Variants in C3orf70 observed in about 807,000 individuals in gnomAD.
The protein encoded by C3orf70 is chromosome 3 open reading frame 70.
Under a neutral mutation model 20.7 loss-of-function variants are expected in C3orf70, and 15 were observed. The observed-to-expected ratio is 0.72, with a 90% CI of 0.48 to 1.11. The LOEUF is 1.11. Ranked by LOEUF, C3orf70 falls within the 50% of genes most tolerant of loss-of-function variation. C3orf70 has a pLI of 0.00. For missense variants in C3orf70, 332 were observed against 317.6 expected (o/e 1.05, Z -0.34); for synonymous variants, 161 against 125.7 (o/e 1.28, Z -1.88).
chr3:185,141,034 C>T (rs1391970241), intron 1 of C3orf70, among the ~76,000 whole-genome samples: 3 of 151,632 alleles, frequency 2.0e-5, no homozygotes, highest in South Asian at 2.1e-4. Context: ...TTCCACCAAG[C>T]GAGGATATGA....
intron 1 of C3orf70, among the ~76,000 whole-genome samples, chr3:185,142,382 AG>A (rs1716772951): frequency 6.6e-6 from 1 of 152,134 alleles, no homozygotes; most frequent in Admixed American, 6.5e-5. Context: ...GCTTGACCCT[AG>A]GAAGGTTGCA....
At chr3:185,102,586 G>A (rs982880206) in intron 1 of C3orf70, among the ~76,000 whole-genome samples, 1 of 152,130 alleles carries the variant, frequency 6.6e-6, no homozygotes, top group Admixed American at 6.5e-5. Flanking sequence ...CCAAAAACGA[G>A]CCCGAATAGA....
At chr3:185,136,919 A>T (rs1345795153) in intron 1 of C3orf70, among the ~76,000 whole-genome samples, 1 of 37,060 alleles carries the variant, frequency 2.7e-5, no homozygotes, top group Non-Finnish European at 7.8e-5. Flanking sequence ...AAACAACAAC[A>T]ACAACAACAA....
chr3:185,110,922 G>A (rs542785987), intron 1 of C3orf70, among the ~76,000 whole-genome samples: 16 of 152,182 alleles, frequency 1.1e-4, no homozygotes, highest in African/African-American at 3.1e-4. Context: ...ATCTCTGTTC[G>A]GGCTCTCAGC....
At chr3:185,112,755 TC>T (rs1237396760) in intron 1 of C3orf70, among the ~76,000 whole-genome samples, 1 of 152,170 alleles carries the variant, frequency 6.6e-6, no homozygotes, top group African/African-American at 2.4e-5. Flanking sequence ...CCAATCTAAT[TC>T]TCCTCCCTCC....
At position 185,077,789 on chromosome 3, in the gene C3orf70, T is replaced by TGGGGGGG. The variant is rs10663284; in HGVS notation, c.*5211_*5217dup. On this transcript the variant is annotated 3_prime_UTR_variant, in exon 2 of 2. Coordinates refer to ENST00000335012, the MANE Select transcript of C3orf70 (RefSeq NM_001025266.3). ...TGAAATAAATGCTATTTGGTGGTGG[T>TGGGGGGG]GGGGGGGGGGTATCAAGTTTTATTT... is the stretch of plus-strand genomic sequence containing the variant. Among the ~76,000 whole-genome samples, 19 of 124,198 alleles carry TGGGGGGG rather than the reference T, an allele frequency of 1.5e-4. No individual in the cohort carries two copies. The highest frequency in any genetic ancestry group is 5.7e-4 in the South Asian group (2 of 3,492). 81.5% of individuals were successfully genotyped at this position (124,198 alleles called of 152,430 possible).
intron 1 of C3orf70, among the ~76,000 whole-genome samples, chr3:185,087,544 G>A (rs1715482822): frequency 6.6e-6 from 1 of 152,222 alleles, no homozygotes; most frequent in Non-Finnish European, 1.5e-5. Flanking sequence ...ACTATGCTAA[G>A]GGAAATAAGC....
At chr3:185,133,309 C>A (rs1380948439) in intron 1 of C3orf70, among the ~76,000 whole-genome samples, 1 of 152,202 alleles carries the variant, frequency 6.6e-6, no homozygotes, top group East Asian at 1.9e-4. Flanking sequence ...GTCCAGCAAT[C>A]CCACTTCTAG....
At chr3:185,094,394 GTTGTA>G (rs1715658953) in intron 1 of C3orf70, among the ~76,000 whole-genome samples, 1 of 151,946 alleles carries the variant, frequency 6.6e-6, no homozygotes, top group Non-Finnish European at 1.5e-5. Flanking sequence ...ATTTTTTATT[GTTGTA>G]TTGTTATTTC....
intron 1 of C3orf70, among the ~76,000 whole-genome samples, chr3:185,106,863 G>T (rs1577324031): frequency 1.3e-5 from 2 of 152,326 alleles, no homozygotes; most frequent in South Asian, 2.1e-4. Context: ...AACACATACA[G>T]GAGTCATTGA....
chr3:185,108,581 CAATCGCCTAG>C lies in C3orf70; in HGVS notation c.197-25028_197-25019del, dbSNP rs200309847. On this transcript the variant is annotated intron_variant, in intron 1 of 1. Coordinates refer to ENST00000335012, the MANE Select transcript of C3orf70 (RefSeq NM_001025266.3). The stretch of plus-strand genomic sequence containing the variant: ...CTTTGACTGAAGGGAATCAAATGGC[CAATCGCCTAG>C]TTGCTAAGGCAATATTTAATGCTAG... Among the ~76,000 whole-genome samples the C allele has an allele frequency of 7.2e-5, 11 of 152,338 alleles. No homozygotes were observed. The East Asian group carries it at 2.1e-3, about 29-fold the overall frequency.
chr3:185,089,638 A>G (rs1445339502), intron 1 of C3orf70, among the ~76,000 whole-genome samples: 2 of 152,200 alleles, frequency 1.3e-5, no homozygotes, highest in Non-Finnish European at 2.9e-5. Context: ...AGTATCCAGT[A>G]CCCATTTTAA....
At chr3:185,128,769 T>C (rs1478720183) in intron 1 of C3orf70, among the ~76,000 whole-genome samples, 1 of 152,196 alleles carries the variant, frequency 6.6e-6, no homozygotes, top group African/African-American at 2.4e-5. Context: ...TCACTTTCAC[T>C]GTGAATTTCC....
chr3:185,152,926 G>T lies in C3orf70; in HGVS notation c.-103C>A. Reference sequence around the variant, plus strand: ...TGCGGACGCGGGAGGGCGCGGCACGGGCCGGGAGTCACGCCAGCACGCGGC... The same window carrying T: ...TGCGGACGCGGGAGGGCGCGGCACGTGCCGGGAGTCACGCCAGCACGCGGC... On this transcript the variant is annotated 5_prime_UTR_variant, in exon 1 of 2. Coordinates refer to ENST00000335012, the MANE Select transcript of C3orf70 (RefSeq NM_001025266.3). The T allele has an allele frequency of 9.0e-7, 1 of 1,107,358 alleles. No individual in the cohort carries two copies. Among genetic ancestry groups the T allele is most frequent in the Non-Finnish European group, 1.2e-6 (1 of 846,006 alleles). 68.6% of individuals were successfully genotyped at this position (1,107,358 alleles called of 1,614,324 possible). A position where few individuals can be genotyped will look rare whatever the true frequency, so the allele number is the denominator to read the frequency against.
At chr3:185,089,237 C>G (rs1006972552) in intron 1 of C3orf70, among the ~76,000 whole-genome samples, 1 of 150,948 alleles carries the variant, frequency 6.6e-6, no homozygotes, top group African/African-American at 2.4e-5. Context: ...AAAAGCTGCT[C>G]CTTCTCCCTC....
intron 1 of C3orf70, among the ~76,000 whole-genome samples, chr3:185,087,192 G>A (rs1715475522): frequency 6.6e-6 from 1 of 152,214 alleles, no homozygotes; most frequent in South Asian, 2.1e-4. Flanking sequence ...AGGGTTTACT[G>A]TGTTAAAGAA....
intron 1 of C3orf70, among the ~76,000 whole-genome samples, chr3:185,146,620 A>G (rs1489566958): frequency 6.6e-6 from 1 of 152,144 alleles, no homozygotes; most frequent in Non-Finnish European, 1.5e-5. Flanking sequence ...ACTTTAGTTG[A>G]CTTTTCCAAC....
intron 1 of C3orf70, among the ~76,000 whole-genome samples, chr3:185,096,296 TCTAA>T (rs1715703721): frequency 6.6e-6 from 1 of 152,184 alleles, no homozygotes; most frequent in South Asian, 2.1e-4. Flanking sequence ...TCATTGTCTG[TCTAA>T]CTACTCCTGA....
At chr3:185,109,152 C>T (rs796992272) in intron 1 of C3orf70, among the ~76,000 whole-genome samples, 1 of 152,192 alleles carries the variant, frequency 6.6e-6, no homozygotes, top group Non-Finnish European at 1.5e-5. Context: ...CCCACAGATG[C>T]AACTGAATCT....
Sources: allele counts gnomAD v4.1 joint callset (sites outside exome capture counted in the v4.1 genomes callset), GRCh38; gene constraint gnomAD v4.1.1; transcripts MANE v1.5; gene names NCBI Gene and HGNC (gene_info 2026-07-23, HGNC 2026-07-21).